The following DCDC1 variants were observed in gnomAD, a reference collection of about 807,000 sequenced individuals.
The protein encoded by DCDC1 is doublecortin domain containing 1, also known as doublecortin domain-containing protein 1.
In DCDC1, 200 loss-of-function variants were observed where a neutral mutation model predicts 178.3. The observed-to-expected ratio is 1.12, with a 90% confidence interval of 1.00 to 1.26. The LOEUF (loss-of-function observed/expected upper bound fraction) is 1.26. DCDC1 is among the 50% of genes most tolerant of loss of function. The pLI, the probability that DCDC1 is intolerant of heterozygous loss-of-function variation, is 0.00. For missense variants in DCDC1, 1,983 were observed against 1,749.2 expected (o/e 1.13, Z -2.38); for synonymous variants, 690 against 604.8 (o/e 1.14, Z -2.07).
At chr11:30,953,079 C>T (rs1466387697) in intron 20 of DCDC1, among the ~76,000 whole-genome samples, 1 of 151,700 alleles carries the variant, frequency 6.6e-6, no homozygotes, top group Non-Finnish European at 1.5e-5. Context: ...GAGAACATAT[C>T]TTTCTCAACA....
At position 31,328,252 on chromosome 11, in the gene DCDC1, C is replaced by T; in HGVS notation, c.29G>A (p.Arg10Lys). Residue 10 changes from arginine to lysine, a missense_variant, in exon 3 of 39, where the codon AGA becomes AAA. Coordinates refer to ENST00000684477, the MANE Select transcript of DCDC1 (RefSeq NM_001387274.1). MAKTGAEDH[R>K]EALSQSSLSL... ...TAAGGAAGACTGAGATAGTGCTTCT[C>T]TGTGATCTTCTGCTCCTGTTTTTGC... The T allele has an allele frequency of 7.0e-6, 11 of 1,580,452 alleles. No individual in the cohort carries two copies. The highest frequency in any genetic ancestry group is 9.5e-6 in the Non-Finnish European group (11 of 1,160,446).
intron 6 of DCDC1, among the ~76,000 whole-genome samples, chr11:31,292,610 A>G (rs1330865341): frequency 6.6e-6 from 1 of 152,162 alleles, no homozygotes; most frequent in Non-Finnish European, 1.5e-5. Context: ...AGCAGCAGGG[A>G]GGAGAGGGGA....
At chr11:30,956,466 T>C (rs889250272) in intron 20 of DCDC1, among the ~76,000 whole-genome samples, 2 of 152,222 alleles carry the variant, frequency 1.3e-5, no homozygotes, top group Admixed American at 6.5e-5. Flanking sequence ...AGCAATACCA[T>C]TTATGGTATT....
intron 20 of DCDC1, among the ~76,000 whole-genome samples, chr11:31,042,072 C>G (rs971905298): frequency 2.0e-5 from 3 of 152,178 alleles, no homozygotes; most frequent in African/African-American, 7.2e-5. Context: ...TGCTTATTCA[C>G]TGTCTTTTCC....
At chr11:31,200,009 A>C (rs1446851829) in intron 9 of DCDC1, among the ~76,000 whole-genome samples, 1 of 152,120 alleles carries the variant, frequency 6.6e-6, no homozygotes, top group African/African-American at 2.4e-5. Context: ...GTTTATAAGG[A>C]ATCTGGTATT....
intron 11 of DCDC1, among the ~76,000 whole-genome samples, chr11:31,115,350 G>A (rs927835582): frequency 6.6e-6 from 1 of 152,058 alleles, no homozygotes; most frequent in Non-Finnish European, 1.5e-5. Flanking sequence ...CTAGCTGTGG[G>A]GGAACAGCAG....
chr11:31,121,362 A>T (rs1960773716), intron 11 of DCDC1, among the ~76,000 whole-genome samples: 1 of 149,642 alleles, frequency 6.7e-6, no homozygotes, highest in Non-Finnish European at 1.5e-5. Context: ...ATTTTTTTTT[A>T]AACAAGGAAC....
intron 20 of DCDC1, among the ~76,000 whole-genome samples, chr11:31,028,886 T>A (rs1953434907): frequency 6.6e-6 from 1 of 151,628 alleles, no homozygotes. Context: ...CATTAAAGAG[T>A]ATATTTTGTT....
chr11:31,190,167 G>C (rs1969980703), intron 9 of DCDC1, among the ~76,000 whole-genome samples: 1 of 152,078 alleles, frequency 6.6e-6, no homozygotes, highest in African/African-American at 2.4e-5. Context: ...GAGTCAGCTA[G>C]GAATATAAGA....
intron 8 of DCDC1, 160 bp from the exon 9 acceptor site, chr11:31,241,776 CA>C (rs1464317940): frequency 2.1e-5 from 8 of 378,666 alleles, no homozygotes; most frequent in Admixed American, 1.4e-4. Context: ...TACTAGTGGC[CA>C]CCATGAAGGA....
At chr11:31,219,141 C>A (rs1973950902) in intron 9 of DCDC1, among the ~76,000 whole-genome samples, 2 of 151,052 alleles carry the variant, frequency 1.3e-5, no homozygotes, top group African/African-American at 2.4e-5. Flanking sequence ...CATTACAAAG[C>A]AAACAATTTA....
In DCDC1 at chr11:30,900,512, T is replaced by A. The variant is rs1401422927; in HGVS notation, c.4511-14A>T. The A allele has an allele frequency of 1.2e-5, 18 of 1,520,350 alleles. No individual in the cohort carries two copies. The highest frequency in any genetic ancestry group is 1.6e-5 in the Non-Finnish European group (18 of 1,128,922). 94.2% of individuals were successfully genotyped at this position (1,520,350 alleles called of 1,614,324 possible). ...TTCTTGGATTTTCTGGTGGAAAAAA[T>A]GACACATTTATCATTGTTCAACGAA... On this transcript the variant is annotated splice_polypyrimidine_tract_variant and intron_variant, in intron 32 of 38. Transcript: ENST00000684477.
chr11:31,255,155 A>T (rs995612048), intron 8 of DCDC1, among the ~76,000 whole-genome samples: 1 of 152,202 alleles, frequency 6.6e-6, no homozygotes, highest in African/African-American at 2.4e-5. Context: ...ATTCCATTGT[A>T]TGTATATACT....
At chr11:31,192,795 T>C (rs1224645787) in intron 9 of DCDC1, among the ~76,000 whole-genome samples, 1 of 152,064 alleles carries the variant, frequency 6.6e-6, no homozygotes, top group Non-Finnish European at 1.5e-5. Context: ...TGGTAAAACA[T>C]TATTTCCGGT....
At chr11:31,020,341 C>A (rs1156417856) in intron 20 of DCDC1, among the ~76,000 whole-genome samples, 5 of 152,116 alleles carry the variant, frequency 3.3e-5, no homozygotes, top group Non-Finnish European at 7.4e-5. Flanking sequence ...CTGACGATTT[C>A]TTATTCTCAT....
At chr11:31,203,128 T>TA (rs1470449117) in intron 9 of DCDC1, among the ~76,000 whole-genome samples, 3 of 151,822 alleles carry the variant, frequency 2.0e-5, no homozygotes, top group Non-Finnish European at 4.4e-5. Flanking sequence ...CCAAAGCAGA[T>TA]AAAAAAATAA....
intron 21 of DCDC1, among the ~76,000 whole-genome samples, chr11:30,949,943 T>C (rs1416677995): frequency 2.0e-5 from 3 of 152,010 alleles, no homozygotes; most frequent in Non-Finnish European, 4.4e-5. Context: ...CCACGGCAAG[T>C]GTATACCCAT....
At chr11:30,920,045 G>A (rs1414165210) in intron 25 of DCDC1, among the ~76,000 whole-genome samples, 1 of 152,160 alleles carries the variant, frequency 6.6e-6, no homozygotes. Flanking sequence ...GGCAAGTAAA[G>A]GCACTGCAGT....
At chr11:31,061,888 C>T (rs1364673463) in intron 20 of DCDC1, among the ~76,000 whole-genome samples, 1 of 152,116 alleles carries the variant, frequency 6.6e-6, no homozygotes, top group Non-Finnish European at 1.5e-5. Flanking sequence ...ACATTAACTG[C>T]GCTGTCTTTT....
Sources: allele counts gnomAD v4.1 joint callset (sites outside exome capture counted in the v4.1 genomes callset), GRCh38; gene constraint gnomAD v4.1.1; transcripts MANE v1.5; gene names NCBI Gene and HGNC (gene_info 2026-07-23, HGNC 2026-07-21).